MDGA2: variants seen among roughly 807,000 people sequenced by gnomAD.
The protein encoded by MDGA2 is MAM domain containing glycosylphosphatidylinositol anchor 2.
Under a neutral mutation model 117.8 loss-of-function variants are expected in MDGA2, and 40 were observed. The ratio of observed to expected loss-of-function variants is 0.34; its 90% CI spans 0.26 to 0.44. The LOEUF is 0.44. Among genes scored for constraint, MDGA2 ranks in the 20% least tolerant of loss-of-function variants. The pLI is 1.00. For synonymous variants in MDGA2, 452 were observed against 439.0 expected, an observed-to-expected ratio of 1.03 and a Z score of -0.37; for missense variants, 1,123 against 1,250.6, an observed-to-expected ratio of 0.90 and a Z score of 1.54.
chr14:47,279,537 A>G (rs2139729934), intron 2 of MDGA2, among the ~76,000 whole-genome samples: 1 of 152,020 alleles, frequency 6.6e-6, no homozygotes, highest in Admixed American at 6.5e-5. Context: ...GTAATTCAGG[A>G]TTTTCCCTAG....
intron 4 of MDGA2, among the ~76,000 whole-genome samples, chr14:47,134,120 T>G (rs1280584403): frequency 6.6e-6 from 1 of 152,062 alleles, no homozygotes; most frequent in Non-Finnish European, 1.5e-5. Flanking sequence ...TATTCACTTG[T>G]TAAATACATG....
intron 3 of MDGA2, among the ~76,000 whole-genome samples, chr14:47,214,442 G>C (rs999140599): frequency 6.6e-6 from 1 of 151,956 alleles, no homozygotes; most frequent in Non-Finnish European, 1.5e-5. Context: ...CCTATAAATT[G>C]AGGAACATGA....
intron 1 of MDGA2, among the ~76,000 whole-genome samples, chr14:47,339,481 G>T (rs1890556521): frequency 6.6e-6 from 1 of 151,992 alleles, no homozygotes; most frequent in African/African-American, 2.4e-5. Context: ...GGTCATGGGG[G>T]CAGATTCCCT....
At chr14:46,846,174 G>C (rs1880831017) in intron 15 of MDGA2, among the ~76,000 whole-genome samples, 1 of 151,914 alleles carries the variant, frequency 6.6e-6, no homozygotes, top group South Asian at 2.1e-4. Flanking sequence ...AATTTTTAAG[G>C]ATAAGAAAAA....
chr14:47,035,354 G>A, intron 7 of MDGA2, 50 bp from the exon 8 acceptor site: 1 of 1,419,268 alleles, frequency 7.0e-7, no homozygotes. Flanking sequence ...AACTGGTAAA[G>A]CATATTCAGA....
intron 1 of MDGA2, among the ~76,000 whole-genome samples, chr14:47,557,039 T>C (rs935032650): frequency 1.3e-5 from 2 of 152,214 alleles, no homozygotes; most frequent in Non-Finnish European, 2.9e-5. Flanking sequence ...AGCTCCACAA[T>C]GGCATAGCTT....
rs186419245 is a variant in MDGA2 at position 47,108,844 on chromosome 14, G to A, written c.926-11721C>T. ...AACTTGTGTTCTAAGGTGAGCAAAA[G>A]TCAGTGAAGCAAAAAAGATGATCCC... On this transcript the variant is annotated intron_variant, in intron 5 of 16. Transcript: ENST00000399232. 1.7e-3 allele frequency among the ~76,000 whole-genome samples: 253 copies of A among 152,302 alleles called. 3 individuals are homozygous for A. Among genetic ancestry groups the A allele is most frequent in the African/African-American group, 5.9e-3 (244 of 41,552 alleles).
At chr14:46,936,549 A>G (rs1438547731) in intron 9 of MDGA2, among the ~76,000 whole-genome samples, 2 of 152,162 alleles carry the variant, frequency 1.3e-5, no homozygotes, top group African/African-American at 4.8e-5. Context: ...ACAATATATT[A>G]GAAATTTAAT....
In MDGA2 at chr14:47,160,174, A is replaced by T. The variant is rs185574765; in HGVS notation, c.596-15900T>A. Among the ~76,000 whole-genome samples, 11 of 152,250 alleles carry T rather than the reference A, an allele frequency of 7.2e-5. No homozygotes were observed. The East Asian group carries it at 1.9e-3, about 27-fold the overall frequency. ...ATGTATTAAAGTTTCACATGTTAGGATCTACTTCTGGCTTACCTACTCTGT... is the reference window on the plus strand; with the variant it reads ...ATGTATTAAAGTTTCACATGTTAGGTTCTACTTCTGGCTTACCTACTCTGT... On this transcript the variant is annotated intron_variant, in intron 3 of 16. Transcript: ENST00000399232.
intron 8 of MDGA2, among the ~76,000 whole-genome samples, chr14:46,963,961 C>T (rs1885913344): frequency 6.6e-6 from 1 of 152,154 alleles, no homozygotes; most frequent in South Asian, 2.1e-4. Context: ...AGTTTATGTT[C>T]ATTTCATTAA....
At chr14:47,611,071 C>T (rs1400678336) in intron 1 of MDGA2, among the ~76,000 whole-genome samples, 1 of 151,704 alleles carries the variant, frequency 6.6e-6, no homozygotes, top group Admixed American at 6.6e-5. Context: ...TTACAGCCAA[C>T]TGATCTTTGA....
chr14:46,942,826 A>G (rs1396065929), intron 9 of MDGA2, among the ~76,000 whole-genome samples: 1 of 152,072 alleles, frequency 6.6e-6, no homozygotes, highest in East Asian at 1.9e-4. Flanking sequence ...TTCTAGTTTG[A>G]GGCTATTACA....
At chr14:47,170,051 C>T (rs919845939) in intron 3 of MDGA2, among the ~76,000 whole-genome samples, 3 of 152,096 alleles carry the variant, frequency 2.0e-5, no homozygotes, top group African/African-American at 7.2e-5. Context: ...AGTTAATCTG[C>T]CTATACTGTC....
chr14:46,847,119 T>G (rs992257854), intron 15 of MDGA2, among the ~76,000 whole-genome samples: 3 of 152,074 alleles, frequency 2.0e-5, no homozygotes, highest in African/African-American at 7.2e-5. Context: ...TATGCTCTCA[T>G]AATATTATCA....
chr14:47,324,938 G>C (rs978189153), intron 1 of MDGA2, among the ~76,000 whole-genome samples: 1 of 152,000 alleles, frequency 6.6e-6, no homozygotes, highest in East Asian at 1.9e-4. Context: ...TAGCAAAATG[G>C]GGAAAGATTG....
intron 1 of MDGA2, among the ~76,000 whole-genome samples, chr14:47,408,353 C>T (rs1010006826): frequency 6.6e-6 from 1 of 152,032 alleles, no homozygotes. Flanking sequence ...CGTGCCCAGC[C>T]GAGATTATTC....
At chr14:46,966,116 C>T (rs908374078) in intron 8 of MDGA2, among the ~76,000 whole-genome samples, 75 of 152,154 alleles carry the variant, frequency 4.9e-4, no homozygotes, top group African/African-American at 1.7e-3. Flanking sequence ...TTTCTTGACA[C>T]TGAATATTTA....
chr14:47,238,048 T>C (rs1261615732), intron 2 of MDGA2, among the ~76,000 whole-genome samples: 2 of 152,140 alleles, frequency 1.3e-5, no homozygotes, highest in Non-Finnish European at 2.9e-5. Flanking sequence ...CAAACCTACC[T>C]TCCTGAAAGA....
chr14:47,403,586 A>C (rs1892200414), intron 1 of MDGA2, among the ~76,000 whole-genome samples: 1 of 151,602 alleles, frequency 6.6e-6, no homozygotes, highest in Non-Finnish European at 1.5e-5. Flanking sequence ...TCATATCCTC[A>C]CCCTCTACTA....
Sources: allele counts gnomAD v4.1 joint callset (sites outside exome capture counted in the v4.1 genomes callset), GRCh38; gene constraint gnomAD v4.1.1; transcripts MANE v1.5; gene names NCBI Gene and HGNC (gene_info 2026-07-23, HGNC 2026-07-21).